GTF2IRD1: variants seen among roughly 807,000 people sequenced by gnomAD.
GTF2IRD1 encodes GTF2I repeat domain containing 1, also known as general transcription factor II-I repeat domain-containing protein 1.
GTF2IRD1 carries 26 observed loss-of-function variants against 113.2 expected under a neutral mutation model. That is an observed-to-expected ratio of 0.23 (90% CI 0.17 to 0.32). The LOEUF (loss-of-function observed/expected upper bound fraction) is 0.32, where lower values mean the gene tolerates loss of function less well. Ranked by LOEUF, GTF2IRD1 falls within the 10% of genes least tolerant of loss-of-function variation. The pLI is 1.00. For synonymous variants in GTF2IRD1, 484 were observed against 529.1 expected, an observed-to-expected ratio of 0.91 and a Z score of 1.17; for missense variants, 864 against 1,280.8, an observed-to-expected ratio of 0.67 and a Z score of 4.97.
At chr7:74,476,613 C>T (rs1240171246) in intron 1 of GTF2IRD1, among the ~76,000 whole-genome samples, 1 of 152,032 alleles carries the variant, frequency 6.6e-6, no homozygotes, top group African/African-American at 2.4e-5. Context: ...ATCCGCCTGC[C>T]TCTGAACCTC....
At chr7:74,566,254 C>G (rs1403085877) in intron 22 of GTF2IRD1, among the ~76,000 whole-genome samples, 2 of 152,182 alleles carry the variant, frequency 1.3e-5, no homozygotes, top group African/African-American at 2.4e-5. Context: ...GCTCTGTTCC[C>G]TCTTCAGGCT....
intron 1 of GTF2IRD1, among the ~76,000 whole-genome samples, chr7:74,487,119 C>T (rs1365835312): frequency 7.9e-5 from 12 of 152,150 alleles, no homozygotes; most frequent in African/African-American, 2.7e-4. Context: ...CTCACTGCAA[C>T]CTCCGCCTCC....
chr7:74,535,307 A>T (rs1443391449), intron 10 of GTF2IRD1, among the ~76,000 whole-genome samples, 169 bp downstream of exon 10: 1 of 152,130 alleles, frequency 6.6e-6, no homozygotes, highest in Non-Finnish European at 1.5e-5. Flanking sequence ...CCAGGCTTCT[A>T]GGTGCTGACA....
chr7:74,594,237 G>A (rs1298454412), intron 24 of GTF2IRD1, among the ~76,000 whole-genome samples: 1 of 151,426 alleles, frequency 6.6e-6, no homozygotes, highest in Non-Finnish European at 1.5e-5. Context: ...AAAATTAGCC[G>A]GGCATGGTGG....
chr7:74,474,816 G>A (rs192111843), intron 1 of GTF2IRD1, among the ~76,000 whole-genome samples: 69 of 152,282 alleles, frequency 4.5e-4, no homozygotes, highest in African/African-American at 1.6e-3. Context: ...GTGGGGTTTT[G>A]AGGGAAAGGG....
At chr7:74,504,074 G>A (rs902599971) in intron 1 of GTF2IRD1, among the ~76,000 whole-genome samples, 13 of 152,128 alleles carry the variant, frequency 8.5e-5, no homozygotes, top group East Asian at 1.9e-4. Flanking sequence ...CCATGTTGCC[G>A]CAAAGGACAT....
chr7:74,525,588 C>T (rs1562835013), intron 8 of GTF2IRD1, among the ~76,000 whole-genome samples: 3 of 151,954 alleles, frequency 2.0e-5, no homozygotes. Context: ...CCCGTCTCTA[C>T]AAAAATACAA....
intron 9 of GTF2IRD1, 32 bp from the exon 10 acceptor site, chr7:74,535,081 T>A: frequency 6.2e-7 from 1 of 1,607,298 alleles, no homozygotes; most frequent in Admixed American, 1.7e-5. Context: ...CAGCCTGCAC[T>A]GTTCTCATGC....
intron 3 of GTF2IRD1, 23 bp from the exon 4 acceptor site, chr7:74,515,418 C>T (rs1796872968): frequency 6.4e-7 from 1 of 1,560,438 alleles, no homozygotes; most frequent in Non-Finnish European, 8.7e-7. Context: ...TCACTGTGGC[C>T]TCGCGTGCTC....
intron 22 of GTF2IRD1, among the ~76,000 whole-genome samples, chr7:74,572,978 G>A (rs1218626478): frequency 1.3e-5 from 2 of 152,140 alleles, no homozygotes; most frequent in Non-Finnish European, 2.9e-5. Flanking sequence ...AGTGGGCCAT[G>A]AAATGATGGC....
At chr7:74,510,331 G>C (rs2130069760) in intron 2 of GTF2IRD1, among the ~76,000 whole-genome samples, 1 of 147,340 alleles carries the variant, frequency 6.8e-6, no homozygotes, top group South Asian at 2.1e-4. Flanking sequence ...TTTGGAGATA[G>C]GGTTTTGCTC....
chr7:74,529,724 G>T lies in GTF2IRD1; in HGVS notation c.1091-10G>T, dbSNP rs782292862. ...TAACACTCAGCCTTGCTGTTTGGTT[G>T]TCTTTCCAGCGGAAGCCCTGGGCCT... On this transcript the variant is annotated splice_polypyrimidine_tract_variant and intron_variant, in intron 8 of 26. Coordinates refer to ENST00000424337, the MANE Select transcript of GTF2IRD1 (RefSeq NM_005685.4). 4 of 1,613,532 alleles carry T rather than the reference G, an allele frequency of 2.5e-6. No individual in the cohort carries two copies. The highest frequency in any genetic ancestry group is 3.4e-6 in the Non-Finnish European group (4 of 1,179,618).
intron 1 of GTF2IRD1, among the ~76,000 whole-genome samples, chr7:74,488,341 G>A (rs1221866287): frequency 1.3e-5 from 2 of 152,114 alleles, no homozygotes; most frequent in African/African-American, 4.8e-5. Flanking sequence ...TATCAAAATC[G>A]GATGTAGGCT....
intron 14 of GTF2IRD1, among the ~76,000 whole-genome samples, chr7:74,543,388 G>T (rs1367427744): frequency 6.6e-5 from 10 of 151,856 alleles, no homozygotes; most frequent in Non-Finnish European, 1.3e-4. Context: ...CAGGAGAATC[G>T]CTTGAACCCA....
At position 74,555,421 on chromosome 7, in the gene GTF2IRD1, C is replaced by A. The variant is rs782385230; in HGVS notation, c.1967-17C>A. The A allele has an allele frequency of 2.2e-5, 36 of 1,613,632 alleles. No individual in the cohort carries two copies. Among genetic ancestry groups the A allele is most frequent in the Non-Finnish European group, 2.9e-5 (34 of 1,179,632 alleles). ...CTGCCTCCTCACTTGGCTTCTCTCCCCCTGCCCTGCCCCCAGAGAGGGATT... is the reference window on the plus strand; with the variant it reads ...CTGCCTCCTCACTTGGCTTCTCTCCACCTGCCCTGCCCCCAGAGAGGGATT... On this transcript the variant is annotated splice_polypyrimidine_tract_variant and intron_variant, in intron 18 of 26. Coordinates refer to ENST00000424337, the MANE Select transcript of GTF2IRD1 (RefSeq NM_005685.4). The surrounding 1 kb of genome is among the most constrained non-coding windows in gnomAD (Gnocchi z 5.3).
At chr7:74,524,194 C>T (rs782172349) in intron 8 of GTF2IRD1, 40 bp downstream of exon 8, 8 of 1,319,190 alleles carry the variant, frequency 6.1e-6, no homozygotes, top group Non-Finnish European at 7.4e-6. Context: ...CCCCAGCAGC[C>T]GTGTTGAGCA....
intron 22 of GTF2IRD1, among the ~76,000 whole-genome samples, chr7:74,570,231 C>T (rs1800614870): frequency 2.0e-5 from 3 of 151,792 alleles, no homozygotes; most frequent in South Asian, 2.1e-4. Flanking sequence ...GGCATGGTGG[C>T]GGACGCCTGT....
At chr7:74,518,491 A>G (rs1584581186) in intron 5 of GTF2IRD1, among the ~76,000 whole-genome samples, 169 bp downstream of exon 5, 1 of 152,342 alleles carries the variant, frequency 6.6e-6, no homozygotes. Flanking sequence ...AAGCGAAGTC[A>G]TAGAACAGGA....
Position 74,519,551 on chromosome 7 carries a change from T to A in GTF2IRD1, c.748T>A (p.Ser250Thr). Residue 250 changes from serine (S) to threonine (T), a missense_variant, in exon 6 of 27, where the codon TCC (serine) becomes ACC (threonine). Around this residue, in one of 7 missense-constraint regions of GTF2IRD1, gnomAD observed 195 missense variants for 196.6 expected, o/e 0.99. Coordinates refer to ENST00000424337, the MANE Select transcript of GTF2IRD1 (RefSeq NM_005685.4). ...CCAGGACCTGCCCCCAACCGCCACC[T>A]CCTCCTCCATGGCCAGCTTCCTGTA... Reference protein sequence around the residue: ...PPQDLPPTATSSSMASFLYST... With the variant: ...PPQDLPPTATTSSMASFLYST... 6.2e-7 allele frequency: 1 copy of A among 1,610,202 alleles called. No homozygotes were observed. Among genetic ancestry groups the A allele is most frequent in the Non-Finnish European group, 8.5e-7 (1 of 1,178,746 alleles).
Sources: gnomAD v4.1 joint callset for allele counts (sites outside exome capture counted in the v4.1 genomes callset) on GRCh38, gnomAD v4.1.1 for gene constraint, gnomAD v4.1.1 regional missense constraint, Gnocchi (gnomAD v3.1) non-coding constraint, MANE v1.5 for transcripts, NCBI Gene and HGNC (gene_info 2026-07-23, HGNC 2026-07-21) for gene names.